Variants in MTUS1 observed in about 807,000 individuals in gnomAD.
MTUS1 encodes the protein microtubule associated scaffold protein 1.
Under a neutral mutation model 120.8 loss-of-function variants are expected in MTUS1, and 109 were observed. The observed-to-expected ratio is 0.90, with a 90% confidence interval of 0.77 to 1.06. The LOEUF (loss-of-function observed/expected upper bound fraction) is 1.06. MTUS1 is among the 50% of genes least tolerant of loss of function. MTUS1 has a pLI of 0.00. For missense variants in MTUS1, 2,210 were observed against 1,486.3 expected (o/e 1.49, Z -8.01); for synonymous variants, 737 against 550.5 (o/e 1.34, Z -4.74).
chr8:17,661,892 G>C (rs1371343217), intron 8 of MTUS1, among the ~76,000 whole-genome samples: 1 of 152,162 alleles, frequency 6.6e-6, no homozygotes, highest in African/African-American at 2.4e-5. Flanking sequence ...TGCAGTAATC[G>C]CTCACACTAA....
intron 8 of MTUS1, among the ~76,000 whole-genome samples, chr8:17,657,938 T>C (rs1808788279): frequency 6.6e-6 from 1 of 151,604 alleles, no homozygotes; most frequent in South Asian, 2.1e-4. Flanking sequence ...TACATGTGTA[T>C]ATATGTACAT....
At chr8:17,742,103 C>T (rs140162149) in intron 3 of MTUS1, among the ~76,000 whole-genome samples, 465 of 152,042 alleles carry the variant, frequency 3.1e-3, no homozygotes, top group African/African-American at 0.01. Flanking sequence ...TTTTCTTCAC[C>T]ACCAAGGGAC....
intron 3 of MTUS1, among the ~76,000 whole-genome samples, chr8:17,726,250 G>A (rs1400489018): frequency 6.6e-6 from 1 of 152,184 alleles, no homozygotes; most frequent in East Asian, 1.9e-4. Flanking sequence ...AAATGCACCT[G>A]GAGTTTCTGA....
At chr8:17,662,952 G>GC (rs1388402320) in intron 8 of MTUS1, among the ~76,000 whole-genome samples, 1 of 152,000 alleles carries the variant, frequency 6.6e-6, no homozygotes, top group Non-Finnish European at 1.5e-5. Flanking sequence ...AAAATGTAAG[G>GC]CCACATTGAG....
intron 2 of MTUS1, among the ~76,000 whole-genome samples, chr8:17,752,740 T>G (rs1024417408): frequency 2.0e-5 from 3 of 152,154 alleles, no homozygotes; most frequent in African/African-American, 7.2e-5. Flanking sequence ...AGGCTGTCTG[T>G]GTCACACCTG....
intron 7 of MTUS1, among the ~76,000 whole-genome samples, chr8:17,683,631 T>A (rs976709547): frequency 6.6e-6 from 1 of 152,100 alleles, no homozygotes; most frequent in Non-Finnish European, 1.5e-5. Flanking sequence ...TGTATAGCCA[T>A]CTTTAAAACT....
chr8:17,784,634 T>C (rs998834638), intron 1 of MTUS1, among the ~76,000 whole-genome samples: 2 of 152,122 alleles, frequency 1.3e-5, no homozygotes, highest in South Asian at 2.1e-4. Context: ...ATTTTTACGA[T>C]TGAGTTCCAA....
At chr8:17,792,051 T>C (rs2051831196) in intron 1 of MTUS1, among the ~76,000 whole-genome samples, 1 of 152,136 alleles carries the variant, frequency 6.6e-6, no homozygotes, top group African/African-American at 2.4e-5. Context: ...GAACCCAATT[T>C]TGCCTGTTAA....
chr8:17,750,691 G>A (rs1213067567), intron 2 of MTUS1, among the ~76,000 whole-genome samples: 5 of 152,248 alleles, frequency 3.3e-5, no homozygotes, highest in East Asian at 1.9e-4. Context: ...GCACCTGAGC[G>A]TTACAGGGCC....
chr8:17,735,158 T>C (rs1017424441), intron 3 of MTUS1, among the ~76,000 whole-genome samples: 2 of 152,168 alleles, frequency 1.3e-5, no homozygotes, highest in East Asian at 1.9e-4. Flanking sequence ...ACCTCAGGCA[T>C]GCACATACCC....
intron 1 of MTUS1, among the ~76,000 whole-genome samples, chr8:17,768,779 G>C (rs924665114): frequency 6.6e-6 from 1 of 152,078 alleles, no homozygotes; most frequent in Admixed American, 6.6e-5. Flanking sequence ...AGAGAGTCCT[G>C]GTGGGCAGAC....
chr8:17,798,141 T>C (rs548548405), intron 1 of MTUS1, among the ~76,000 whole-genome samples: 6 of 152,260 alleles, frequency 3.9e-5, no homozygotes, highest in Non-Finnish European at 5.9e-5. Flanking sequence ...AATCACAGAA[T>C]AACAGATCTG....
intron 6 of MTUS1, among the ~76,000 whole-genome samples, chr8:17,695,987 A>C (rs1402761468): frequency 6.6e-6 from 1 of 152,180 alleles, no homozygotes. Context: ...CGTGGATTAC[A>C]GTATTTTTAA....
intron 4 of MTUS1, among the ~76,000 whole-genome samples, chr8:17,720,965 C>T (rs1032070715): frequency 4.6e-5 from 7 of 152,088 alleles, no homozygotes; most frequent in African/African-American, 1.4e-4. Flanking sequence ...TATTGCCTTA[C>T]GTATTTTGAT....
At chr8:17,800,062 A>G (rs754243358) in intron 1 of MTUS1, among the ~76,000 whole-genome samples, 5 of 152,220 alleles carry the variant, frequency 3.3e-5, no homozygotes, top group Non-Finnish European at 7.3e-5. Flanking sequence ...AACTGTCTAC[A>G]GAATTGCAAT....
At position 17,755,308 on chromosome 8, in the gene MTUS1, T is replaced by C; in HGVS notation, c.500A>G (p.Lys167Arg). The change falls in exon 2 of 15, where the codon AAA becomes AGA. Residue 167 changes from lysine (K) to arginine (R), a missense_variant. By Grantham distance (26) the Lys-to-Arg change is conservative. Transcript: ENST00000693296. The part of the protein sequence containing the change: ...LNQTFDMTVD[K>R]VNCTFISHHA... ...ATGTGATATAAAGGTGCAGTTAACT[T>C]TATCCACTGTCATGTCAAATGTTTG... 6.2e-7 allele frequency: 1 copy of C among 1,614,176 alleles called. No individual in the cohort carries two copies. The highest frequency in any genetic ancestry group is 1.6e-4 in the Middle Eastern group (1 of 6,062).
intron 7 of MTUS1, among the ~76,000 whole-genome samples, chr8:17,680,970 G>C (rs575618312): frequency 5.3e-5 from 8 of 151,826 alleles, no homozygotes; most frequent in Non-Finnish European, 1.0e-4. Flanking sequence ...ATCTCGCTCT[G>C]TTGCCCAGGA....
At chr8:17,798,323 T>G (rs1252177990) in intron 1 of MTUS1, among the ~76,000 whole-genome samples, 1 of 152,006 alleles carries the variant, frequency 6.6e-6, no homozygotes, top group East Asian at 1.9e-4. Flanking sequence ...AAGATTCTAA[T>G]TTAGAATTTG....
intron 6 of MTUS1, chr8:17,697,637 G>A (rs1402825544): frequency 1.6e-6 from 2 of 1,214,092 alleles, no homozygotes; most frequent in African/African-American, 3.1e-5. Flanking sequence ...CCTCCTGCAG[G>A]TCTAGAAGCT....
Sources: allele counts gnomAD v4.1 joint callset (sites outside exome capture counted in the v4.1 genomes callset), GRCh38; gene constraint gnomAD v4.1.1; transcripts MANE v1.5; gene names NCBI Gene and HGNC (gene_info 2026-07-23, HGNC 2026-07-21).